The following ITIH4 variants were observed in gnomAD, a reference collection of about 807,000 sequenced individuals.
ITIH4 encodes inter-alpha-trypsin inhibitor heavy chain H4.
A neutral mutation model predicts 111.8 loss-of-function variants in ITIH4; 79 were observed. The ratio of observed to expected loss-of-function variants is 0.71; its 90% CI spans 0.59 to 0.85. The LOEUF (loss-of-function observed/expected upper bound fraction) is 0.85. Ranked by LOEUF, ITIH4 falls within the 40% of genes least tolerant of loss-of-function variation. The probability of loss-of-function intolerance (pLI) is 0.00; values close to 1 mark genes in which losing one functional copy is unlikely to be tolerated. For missense variants in ITIH4, 1,065 were observed against 1,195.8 expected (o/e 0.89, Z 1.61); for synonymous variants, 472 against 468.3 (o/e 1.01, Z -0.10).
At chr3:52,820,097 CAATATTTG>C (rs775879978) in intron 14 of ITIH4, 107 bp from the exon 15 acceptor site, 4 of 1,340,356 alleles carry the variant, frequency 3.0e-6, no homozygotes, top group Non-Finnish European at 4.3e-6. Context: ...GAGGCACAGC[CAATATTTG>C]AATGCACAGG....
intron 11 of ITIH4, among the ~76,000 whole-genome samples, chr3:52,822,786 C>T (rs1334780274): frequency 6.6e-6 from 1 of 152,172 alleles, no homozygotes; most frequent in African/African-American, 2.4e-5. Context: ...ACACACGCTG[C>T]CCTCATGCCA....
At chr3:52,820,586 C>A (rs762155225) in intron 13 of ITIH4, 45 bp downstream of exon 13, 1 of 1,572,226 alleles carries the variant, frequency 6.4e-7, no homozygotes, top group Non-Finnish European at 8.6e-7. Flanking sequence ...ACGCTGGGTC[C>A]AAACTCTGCT....
chr3:52,829,942 C>T (rs764465518), intron 1 of ITIH4: 7 of 199,152 alleles, frequency 3.5e-5, no homozygotes, highest in South Asian at 9.3e-5. Context: ...CTGTGTCCCC[C>T]GAGGAGGGGC....
chr3:52,826,676 G>A (rs774815290), intron 4 of ITIH4, 25 bp from the exon 5 acceptor site: 2 of 1,611,406 alleles, frequency 1.2e-6, no homozygotes, highest in Non-Finnish European at 1.7e-6. Flanking sequence ...TGGGTCCCTG[G>A]GTCAGCCAGG....
Position 52,824,405 on chromosome 3 carries a change from G to A in ITIH4, c.1037C>T (p.Ala346Val), listed in dbSNP as rs771434713. The change falls in exon 8 of 24, where the codon GCC becomes GTC. Residue 346 changes from alanine to valine, a missense_variant. Physicochemically the swap from Ala to Val is moderately conservative, Grantham distance 64 (BLOSUM62 0). Coordinates refer to ENST00000266041, the MANE Select transcript of ITIH4 (RefSeq NM_002218.5). This position sits in a 1 kb window ranked among gnomAD's most constrained non-coding sequence, Gnocchi z 4.3. The stretch of plus-strand genomic sequence containing the variant: ...GCCACAGAGACACTTACCTCCCAGG[G>A]CCTGGATGCCCGCAGCAAAGCTCCT... Reference protein sequence around the residue: ...KARSFAAGIQALGGTNINDAM... With the variant: ...KARSFAAGIQVLGGTNINDAM... 1 of 1,614,112 alleles carries A rather than the reference G, an allele frequency of 6.2e-7. No homozygotes were observed. The highest frequency in any genetic ancestry group is 8.5e-7 in the Non-Finnish European group (1 of 1,180,002).
chr3:52,813,455 C>G lies in ITIH4; in HGVS notation c.2759G>C (p.Gly920Ala). ...RRLDYQEGPPGVEISCWSVEL is the reference protein window; with the variant it reads ...RRLDYQEGPPAVEISCWSVEL ...CACAGACCAGCAGGAAATCTCCACT[C>G]CCGGGGGCCCCTCCTGGTAATCCAG... The change falls in exon 24 of 24, where the codon GGA becomes GCA. Residue 920 changes from glycine (G) to alanine (A), a missense_variant. Physicochemically the swap from Gly to Ala is moderately conservative, Grantham distance 60 (BLOSUM62 0). Transcript: ENST00000266041. 1 of 1,614,130 alleles carries G rather than the reference C, an allele frequency of 6.2e-7. No individual in the cohort carries two copies. Among genetic ancestry groups the G allele is most frequent in the Non-Finnish European group, 8.5e-7 (1 of 1,179,988 alleles).
At chr3:52,814,962 C>A (rs1700254268) in intron 21 of ITIH4, among the ~76,000 whole-genome samples, 2 of 152,298 alleles carry the variant, frequency 1.3e-5, no homozygotes, top group East Asian at 3.9e-4. Flanking sequence ...CCACTCTGTC[C>A]CTTTTGTTCT....
intron 2 of ITIH4, among the ~76,000 whole-genome samples, chr3:52,828,446 C>T (rs1578783158): frequency 6.6e-6 from 1 of 152,232 alleles, no homozygotes; most frequent in South Asian, 2.1e-4. Flanking sequence ...GAGACACTCC[C>T]TCTCTGCCCC....
intron 19 of ITIH4, 32 bp downstream of exon 19, chr3:52,818,225 G>A (rs761045114): frequency 1.5e-5 from 24 of 1,588,938 alleles, no homozygotes; most frequent in South Asian, 3.4e-5. Context: ...GGGCAAGGAT[G>A]TGGAAAGGGG....
intron 2 of ITIH4, 91 bp from the exon 3 acceptor site, chr3:52,827,288 G>C (rs901971990): frequency 9.8e-7 from 1 of 1,019,982 alleles, no homozygotes; most frequent in East Asian, 2.4e-5. Context: ...TGGACTCGGT[G>C]TGCCTCTTGA....
At chr3:52,827,259 C>G (rs1700498410) in intron 2 of ITIH4, 62 bp from the exon 3 acceptor site, 1 of 1,346,076 alleles carries the variant, frequency 7.4e-7, no homozygotes, top group Admixed American at 1.7e-5. Flanking sequence ...CCACTCCTGC[C>G]TCCTCCAGAG....
rs1289328525 is a variant in ITIH4, at chr3:52,824,561, C to T, written c.881G>A (p.Arg294Gln). 14 of 1,610,538 alleles carry T rather than the reference C, an allele frequency of 8.7e-6. No homozygotes were observed. Among genetic ancestry groups the T allele is most frequent in the East Asian group, 2.2e-5 (1 of 44,840 alleles). The change falls in exon 8 of 24, where the codon CGG becomes CAG. Residue 294 changes from arginine (R) to glutamine (Q), a missense_variant. Physicochemically the swap from Arg to Gln is conservative, Grantham distance 43. Coordinates refer to ENST00000266041, the MANE Select transcript of ITIH4 (RefSeq NM_002218.5). This position sits in a 1 kb window ranked among gnomAD's most constrained non-coding sequence, Gnocchi z 4.3. ...SMSGRKIQQT[R>Q]EALIKILDDL... is the part of the protein sequence containing the mutation. ...ATCCAGGATCTTGATTAGGGCTTCC[C>T]GGGTCTGGTCAGGGAGAGGAAACAT...
chr3:52,814,116 G>A (rs1198511116), intron 22 of ITIH4, 45 bp from the exon 23 acceptor site: 1 of 1,607,186 alleles, frequency 6.2e-7, no homozygotes, highest in South Asian at 1.1e-5. Context: ...GACAGAGGAA[G>A]CCTGGGAGAC....
In ITIH4 at chr3:52,824,099, T is replaced by G; in HGVS notation, c.1171+91A>C. The G allele has an allele frequency of 3.8e-6, 6 of 1,573,618 alleles. No individual in the cohort carries two copies. Among genetic ancestry groups the G allele is most frequent in the Non-Finnish European group, 4.3e-6 (5 of 1,156,528 alleles). ...GAGCCGAGGGGCCTCAGTGACCCCC[T>G]CTCCCTGCCCAGATCCCACAGCAAG... On this transcript the variant is annotated intron_variant, in intron 9 of 23. Coordinates refer to ENST00000266041, the MANE Select transcript of ITIH4 (RefSeq NM_002218.5). The surrounding 1 kb of genome is among the most constrained non-coding windows in gnomAD (Gnocchi z 4.3).
At chr3:52,819,192 C>T (rs1296734637) in intron 17 of ITIH4, 4 of 589,298 alleles carry the variant, frequency 6.8e-6, no homozygotes, top group Non-Finnish European at 9.0e-6. Flanking sequence ...CGAGGACAGC[C>T]TCCTTAGGAA....
In ITIH4 at chr3:52,824,988, A is replaced by T; in HGVS notation, c.760-30T>A. The T allele has an allele frequency of 6.7e-7, 1 of 1,501,452 alleles. No individual in the cohort carries two copies. The highest frequency in any genetic ancestry group is 9.2e-7 in the Non-Finnish European group (1 of 1,087,544). The allele number at this position is 1,501,452 out of a possible 1,614,324, so 93.0% of individuals were successfully genotyped here. On this transcript the variant is annotated intron_variant, in intron 6 of 23. Transcript: ENST00000266041. This position sits in a 1 kb window ranked among gnomAD's most constrained non-coding sequence, Gnocchi z 4.3. ...GGCCAGAGTGAGACCCACCCAGGCC[A>T]TCAGAGCTACAATTGGCCCTATCCC...
In ITIH4 at chr3:52,820,639, A is replaced by G. The variant is rs1333599583; in HGVS notation, c.1826T>C (p.Met609Thr). ...QEQSQVAEKP[M>T]EGESRNRNVH... ...CTCAACCCCACACCCACCGCCTTCC[A>G]TGGGCTTCTCAGCAACTTGAGACTG... Residue 609 changes from methionine (M) to threonine (T), a missense_variant, in exon 13 of 24, where the codon ATG (methionine) becomes ACG (threonine). By Grantham distance (81) the Met-to-Thr change is moderately conservative. Coordinates refer to ENST00000266041, the MANE Select transcript of ITIH4 (RefSeq NM_002218.5). 1 of 1,610,004 alleles carries G rather than the reference A, an allele frequency of 6.2e-7. No homozygotes were observed.
At chr3:52,820,529 G>C (rs1700361837) in intron 13 of ITIH4, 102 bp downstream of exon 13, 1 of 1,406,442 alleles carries the variant, frequency 7.1e-7, no homozygotes, top group African/African-American at 1.4e-5. Flanking sequence ...GAGTCTGTTG[G>C]GGGCACGGTT....
At position 52,818,115 on chromosome 3, in the gene ITIH4, G is replaced by T. The variant is rs145279742; in HGVS notation, c.2233C>A (p.Arg745=). 1.1e-5 allele frequency: 18 copies of T among 1,613,740 alleles called. No homozygotes were observed. In the African/African-American group the frequency reaches 1.9e-4, roughly 17 times the overall value. ...ILPLPGQSVE[R]LCVDPRHRQG... is the part of the protein sequence containing the mutation. Reference sequence around the variant, plus strand: ...CGGTGTCTGGGGTCCACACAGAGCCGCTCCACACTCTGCCCAGGCAGTGGC... The same window carrying T: ...CGGTGTCTGGGGTCCACACAGAGCCTCTCCACACTCTGCCCAGGCAGTGGC... The change falls in exon 20 of 24, where the codon CGG becomes AGG. Residue 745 remains arginine, a synonymous_variant. Transcript: ENST00000266041.
Sources: allele counts gnomAD v4.1 joint callset (sites outside exome capture counted in the v4.1 genomes callset), GRCh38; gene constraint gnomAD v4.1.1; non-coding constraint Gnocchi (gnomAD v3.1); transcripts MANE v1.5; gene names NCBI Gene and HGNC (gene_info 2026-07-23, HGNC 2026-07-21).